The following PARPBP variants were observed in gnomAD, a reference collection of about 807,000 sequenced individuals.
The protein encoded by PARPBP is PARP1 binding protein, also known as PCNA-interacting partner.
In PARPBP, 52 loss-of-function variants were observed where a neutral mutation model predicts 50.0. The ratio of observed to expected loss-of-function variants is 1.04; its 90% CI spans 0.83 to 1.31. The LOEUF (loss-of-function observed/expected upper bound fraction) is 1.31, where lower values mean the gene tolerates loss of function less well. PARPBP is among the 50% of genes most tolerant of loss of function. The pLI, the probability that PARPBP is intolerant of heterozygous loss-of-function variation, is 0.00. For synonymous variants in PARPBP, 244 were observed against 232.1 expected, an observed-to-expected ratio of 1.05 and a Z score of -0.47; for missense variants, 697 against 672.0, an observed-to-expected ratio of 1.04 and a Z score of -0.41.
At chr12:102,136,417 T>C (rs1883639339) in intron 2 of PARPBP, among the ~76,000 whole-genome samples, 1 of 152,196 alleles carries the variant, frequency 6.6e-6, no homozygotes, top group South Asian at 2.1e-4. Flanking sequence ...TGACTTACTT[T>C]TAAAGAAATA....
chr12:102,170,599 C>A (rs191230926), intron 6 of PARPBP, among the ~76,000 whole-genome samples: 8 of 152,258 alleles, frequency 5.3e-5, no homozygotes, highest in East Asian at 3.9e-4. Flanking sequence ...CTTGAAGTTG[C>A]TCTGGATGAG....
At chr12:102,129,106 T>C (rs1277333227) in intron 2 of PARPBP, among the ~76,000 whole-genome samples, 2 of 152,336 alleles carry the variant, frequency 1.3e-5, no homozygotes, top group East Asian at 1.9e-4. Context: ...TTTTTGGAAA[T>C]GTCTATTCAG....
chr12:102,187,918 A>C (rs928470810), intron 9 of PARPBP, among the ~76,000 whole-genome samples: 6 of 152,202 alleles, frequency 3.9e-5, no homozygotes, highest in African/African-American at 1.4e-4. Flanking sequence ...AATTTTTAAA[A>C]AATTAAAAAT....
intron 2 of PARPBP, among the ~76,000 whole-genome samples, chr12:102,128,084 C>T (rs1882285089): frequency 6.6e-6 from 1 of 152,144 alleles, no homozygotes; most frequent in South Asian, 2.1e-4. Flanking sequence ...GTGTTATTAA[C>T]TAGCAACACC....
At chr12:102,132,481 T>C (rs1883018907) in intron 2 of PARPBP, among the ~76,000 whole-genome samples, 1 of 152,194 alleles carries the variant, frequency 6.6e-6, no homozygotes, top group South Asian at 2.1e-4. Context: ...TGGATATATA[T>C]CTTGGTTCTC....
At chr12:102,138,563 A>G (rs1484684873) in intron 2 of PARPBP, among the ~76,000 whole-genome samples, 4 of 152,158 alleles carry the variant, frequency 2.6e-5, no homozygotes, top group Non-Finnish European at 5.9e-5. Context: ...GTCCTTGCTC[A>G]TGCCTATGTC....
chr12:102,140,451 T>G (rs755477649), intron 2 of PARPBP, among the ~76,000 whole-genome samples: 7 of 151,954 alleles, frequency 4.6e-5, no homozygotes, highest in Non-Finnish European at 7.4e-5. Context: ...GGTTCATTGA[T>G]TTTTTGGAGG....
At chr12:102,158,513 G>A (rs1451855733) in intron 4 of PARPBP, among the ~76,000 whole-genome samples, 1 of 152,032 alleles carries the variant, frequency 6.6e-6, no homozygotes, top group African/African-American at 2.4e-5. Flanking sequence ...CTCTTTTCTG[G>A]TACAAGAAAA....
rs894085139 is a variant in PARPBP at position 102,168,978 on chromosome 12, G to A, written c.821+3095G>A. On this transcript the variant is annotated intron_variant, in intron 6 of 10. Coordinates refer to ENST00000327680, the MANE Select transcript of PARPBP (RefSeq NM_017915.5). ...GCTTCCCTCTTTGTAAGTATTTAAT[G>A]TATATTTCTCAATAGACAGTAAACT... Among the ~76,000 whole-genome samples the A allele has an allele frequency of 2.6e-5, 4 of 152,048 alleles. No individual in the cohort carries two copies. In the East Asian group the frequency reaches 7.7e-4, roughly 29 times the overall value.
intron 6 of PARPBP, among the ~76,000 whole-genome samples, chr12:102,173,100 T>C (rs1328442453): frequency 6.6e-6 from 1 of 152,164 alleles, no homozygotes; most frequent in African/African-American, 2.4e-5. Flanking sequence ...AATGAAAATA[T>C]AGGTCAAAAA....
intron 2 of PARPBP, among the ~76,000 whole-genome samples, chr12:102,128,874 AT>A (rs1882418550): frequency 1.3e-5 from 2 of 152,032 alleles, no homozygotes; most frequent in Non-Finnish European, 2.9e-5. Flanking sequence ...TGGTAGTTTT[AT>A]TTTTTGAGAA....
chr12:102,184,019 C>T (rs1384939759), intron 9 of PARPBP, among the ~76,000 whole-genome samples: 1 of 123,510 alleles, frequency 8.1e-6, no homozygotes, highest in Non-Finnish European at 1.6e-5. Flanking sequence ...TTCATTCTAG[C>T]CTGGGTGACA....
At chr12:102,140,935 G>A (rs1371831202) in intron 2 of PARPBP, among the ~76,000 whole-genome samples, 2 of 152,198 alleles carry the variant, frequency 1.3e-5, no homozygotes, top group Non-Finnish European at 2.9e-5. Context: ...AGTGCGGTGT[G>A]GTGCTGAGAA....
At chr12:102,190,418 T>C (rs1890691017) in intron 9 of PARPBP, among the ~76,000 whole-genome samples, 1 of 152,128 alleles carries the variant, frequency 6.6e-6, no homozygotes, top group African/African-American at 2.4e-5. Flanking sequence ...TAAAGATTTA[T>C]ACAGCTGAGG....
chr12:102,144,055 A>G (rs1249741023), intron 2 of PARPBP, among the ~76,000 whole-genome samples: 1 of 152,206 alleles, frequency 6.6e-6, no homozygotes, highest in Admixed American at 6.5e-5. Flanking sequence ...ATCATTTGTC[A>G]GGTGTTATTT....
intron 2 of PARPBP, among the ~76,000 whole-genome samples, chr12:102,132,802 C>T (rs1883067886): frequency 1.3e-5 from 2 of 151,938 alleles, no homozygotes; most frequent in Non-Finnish European, 2.9e-5. Flanking sequence ...GATAACTTTC[C>T]GTATACTTGT....
intron 2 of PARPBP, among the ~76,000 whole-genome samples, chr12:102,133,648 C>A (rs1189559637): frequency 6.6e-6 from 1 of 151,794 alleles, no homozygotes; most frequent in African/African-American, 2.4e-5. Context: ...ATGGTTGTTT[C>A]ATAAAATGAG....
At position 102,196,787 on chromosome 12, in the gene PARPBP, A is replaced by T; in HGVS notation, c.*496A>T. The T allele has an allele frequency of 8.5e-7, 1 of 1,182,162 alleles. No homozygotes were observed. Among genetic ancestry groups the T allele is most frequent in the East Asian group, 2.3e-5 (1 of 42,604 alleles). 73.2% of individuals were successfully genotyped at this position (1,182,162 alleles called of 1,614,324 possible). On this transcript the variant is annotated 3_prime_UTR_variant, in exon 11 of 11. Transcript: ENST00000327680. ...AAGAAAAAAAGAATGGATCTAGTAT[A>T]ACTAATTCTGAGTAAACCAAAATGA...
chr12:102,137,156 T>C (rs1250829079), intron 2 of PARPBP, among the ~76,000 whole-genome samples: 2 of 152,134 alleles, frequency 1.3e-5, no homozygotes, highest in African/African-American at 4.8e-5. Flanking sequence ...GGTTTCACCA[T>C]GTTAGCCAGG....
Sources: gnomAD v4.1 joint callset for allele counts (sites outside exome capture counted in the v4.1 genomes callset) on GRCh38, gnomAD v4.1.1 for gene constraint, MANE v1.5 for transcripts, NCBI Gene and HGNC (gene_info 2026-07-23, HGNC 2026-07-21) for gene names.